The following FAM151A variants were observed in gnomAD, a reference collection of about 807,000 sequenced individuals.
The protein encoded by FAM151A is family with sequence similarity 151 member A.
Under a neutral mutation model 40.4 loss-of-function variants are expected in FAM151A, and 41 were observed. The observed-to-expected ratio is 1.01, with a 90% CI of 0.79 to 1.32. The LOEUF is 1.32. Ranked by LOEUF, FAM151A falls within the 40% of genes most tolerant of loss-of-function variation. The pLI, the probability that FAM151A is intolerant of heterozygous loss-of-function variation, is 0.00. For synonymous variants in FAM151A, 337 were observed against 312.5 expected (o/e 1.08, Z -0.83); for missense variants, 740 against 740.4 (o/e 1.00, Z 0.01).
intron 7 of FAM151A, 26 bp downstream of exon 7, chr1:54,610,386 C>A: frequency 1.2e-6 from 2 of 1,607,884 alleles, no homozygotes; most frequent in Non-Finnish European, 1.7e-6. Flanking sequence ...GAGCTGGGAG[C>A]ACCGGGGCTG....
chr1:54,623,170 TC>T (rs1407084383), intron 1 of FAM151A, 107 bp downstream of exon 1: 1 of 734,038 alleles, frequency 1.4e-6, no homozygotes, highest in South Asian at 1.7e-5. Context: ...AGAGCAAAAC[TC>T]CGTCTAAAAA....
Position 54,609,216 on chromosome 1 carries a change from C to T in FAM151A, c.*52G>A. On this transcript the variant is annotated 3_prime_UTR_variant, in exon 8 of 8. Coordinates refer to ENST00000302250, the MANE Select transcript of FAM151A (RefSeq NM_176782.3). ...CAAAGACCTTTATTTCTTCCTGCCTCCCCGTGGGAAGCCTCCGCCCTGAGG... is the reference window on the plus strand; with the variant it reads ...CAAAGACCTTTATTTCTTCCTGCCTTCCCGTGGGAAGCCTCCGCCCTGAGG... 1 of 1,590,496 alleles carries T rather than the reference C, an allele frequency of 6.3e-7. No individual in the cohort carries two copies. The highest frequency in any genetic ancestry group is 1.2e-5 in the South Asian group (1 of 86,938).
chr1:54,623,412 G>A lies in FAM151A; in HGVS notation c.-17C>T, dbSNP rs764594467. On this transcript the variant is annotated 5_prime_UTR_variant, in exon 1 of 8. Coordinates refer to ENST00000302250, the MANE Select transcript of FAM151A (RefSeq NM_176782.3). ...GCAGACCATGGCGACGCTCTCTGGG[G>A]AATGCCCCCAACTCCGTGCGGCCCA... 1.3e-6 allele frequency: 2 copies of A among 1,597,902 alleles called. No individual in the cohort carries two copies. Among genetic ancestry groups the A allele is most frequent in the Non-Finnish European group, 1.7e-6 (2 of 1,165,576 alleles).
Position 54,623,413 on chromosome 1 carries a change from A to G in FAM151A, c.-18T>C, listed in dbSNP as rs1209017065. 1 of 1,596,114 alleles carries G rather than the reference A, an allele frequency of 6.3e-7. No individual in the cohort carries two copies. The highest frequency in any genetic ancestry group is 1.1e-5 in the South Asian group (1 of 90,584). On this transcript the variant is annotated 5_prime_UTR_variant, in exon 1 of 8. Transcript: ENST00000302250. ...CAGACCATGGCGACGCTCTCTGGGG[A>G]ATGCCCCCAACTCCGTGCGGCCCAG... is the stretch of plus-strand genomic sequence containing the variant.
At chr1:54,611,498 GCCTTCCC>G (rs1644117775) in intron 6 of FAM151A, 101 bp downstream of exon 6, 1 of 1,162,248 alleles carries the variant, frequency 8.6e-7, no homozygotes, top group African/African-American at 1.5e-5. Flanking sequence ...TCCCACCCCG[GCCTTCCC>G]CCTTCTGATA....
chr1:54,609,250 C>CCCA lies in FAM151A; in HGVS notation c.*15_*17dup. The CCCA allele has an allele frequency of 6.3e-7, 1 of 1,594,978 alleles. No individual in the cohort carries two copies. The highest frequency in any genetic ancestry group is 1.3e-5 in the African/African-American group (1 of 74,660). On this transcript the variant is annotated 3_prime_UTR_variant, in exon 8 of 8. Coordinates refer to ENST00000302250, the MANE Select transcript of FAM151A (RefSeq NM_176782.3). The stretch of plus-strand genomic sequence containing the variant: ...AAGCCTCCGCCCTGAGGTCCGCTGG[C>CCCA]CCACCACCCCTGGGTGCTCAGTTTC...
chr1:54,618,200 G>A (rs535713491), intron 2 of FAM151A, among the ~76,000 whole-genome samples: 2 of 152,002 alleles, frequency 1.3e-5, no homozygotes, highest in Non-Finnish European at 2.9e-5. Flanking sequence ...CTTTAGTGTT[G>A]GCTTAAAAAA....
chr1:54,613,767 A>G (rs1321305870), intron 4 of FAM151A, among the ~76,000 whole-genome samples: 1 of 152,212 alleles, frequency 6.6e-6, no homozygotes, highest in Non-Finnish European at 1.5e-5. Context: ...ATCTTGGGCC[A>G]TTGATTACAT....
At chr1:54,614,583 G>A (rs1254850006) in intron 4 of FAM151A, 117 bp downstream of exon 4, 1 of 1,028,180 alleles carries the variant, frequency 9.7e-7, no homozygotes, top group Non-Finnish European at 1.4e-6. Context: ...GCTCAGAGGT[G>A]AGGCTATATA....
intron 1 of FAM151A, among the ~76,000 whole-genome samples, chr1:54,622,649 A>G (rs80201858): frequency 0.016 from 2,403 of 151,436 alleles, 32 homozygotes; most frequent in South Asian, 0.022. Flanking sequence ...TGAGGCAGGA[A>G]AACCACTTAG....
At chr1:54,612,826 A>T in intron 4 of FAM151A, 116 bp from the exon 5 acceptor site, 1 of 731,856 alleles carries the variant, frequency 1.4e-6, no homozygotes, top group South Asian at 1.8e-5. Context: ...TGATAAGGTC[A>T]GAAGCAGAGT....
chr1:54,622,755 ACGGG>A (rs1261620478), intron 1 of FAM151A, among the ~76,000 whole-genome samples: 2 of 147,660 alleles, frequency 1.4e-5, no homozygotes, highest in African/African-American at 5.0e-5. Flanking sequence ...AAAATAGTTA[ACGGG>A]ACTTTCTGCT....
intron 1 of FAM151A, among the ~76,000 whole-genome samples, chr1:54,620,268 G>A (rs1260926742): frequency 6.6e-6 from 1 of 152,232 alleles, no homozygotes; most frequent in Non-Finnish European, 1.5e-5. Flanking sequence ...GGAAGACCTT[G>A]AAGGATGGGT....
rs1644094387 is a variant in FAM151A, at chr1:54,609,839, T to A, written c.1187A>T (p.Glu396Val). The change falls in exon 8 of 8, where the codon GAG becomes GTG. Residue 396 changes from glutamate (E) to valine (V), a missense_variant. Coordinates refer to ENST00000302250, the MANE Select transcript of FAM151A (RefSeq NM_176782.3). The part of the protein sequence containing the change: ...HTPSGNILTL[E>V]SCLQQLATHP... Reference sequence around the variant, plus strand: ...TGTGGCCAGCTGCTGCAGGCAGGACTCCAGCGTCAGGATGTTGCCACTTGG... The same window carrying A: ...TGTGGCCAGCTGCTGCAGGCAGGACACCAGCGTCAGGATGTTGCCACTTGG... The A allele has an allele frequency of 6.2e-7, 1 of 1,614,132 alleles. No individual in the cohort carries two copies. The highest frequency in any genetic ancestry group is 1.1e-5 in the South Asian group (1 of 91,084).
chr1:54,619,570 A>G (rs1644208339), intron 2 of FAM151A, among the ~76,000 whole-genome samples: 1 of 152,152 alleles, frequency 6.6e-6, no homozygotes, highest in Non-Finnish European at 1.5e-5. Context: ...TTTGAAGGTA[A>G]AGGCTTCCTT....
Position 54,623,476 on chromosome 1 carries a change from G to T in FAM151A, c.-81C>A. 9.7e-7 allele frequency: 1 copy of T among 1,036,146 alleles called. No homozygotes were observed. Among genetic ancestry groups the T allele is most frequent in the Non-Finnish European group, 1.5e-6 (1 of 670,424 alleles). The allele number at this position is 1,036,146 out of a possible 1,614,324, so 64.2% of individuals were successfully genotyped here. A position where few individuals can be genotyped will look rare whatever the true frequency, so the allele number is the denominator to read the frequency against. On this transcript the variant is annotated 5_prime_UTR_variant, in exon 1 of 8. Coordinates refer to ENST00000302250, the MANE Select transcript of FAM151A (RefSeq NM_176782.3). ...TCCCTGCAGCTGGAATCCTGTGGGAGGCAGGAGCTCCCAGCAGCACCTAAT... is the reference window on the plus strand; with the variant it reads ...TCCCTGCAGCTGGAATCCTGTGGGATGCAGGAGCTCCCAGCAGCACCTAAT...
intron 6 of FAM151A, 76 bp from the exon 7 acceptor site, chr1:54,610,631 G>A (rs536314772): frequency 1.3e-6 from 2 of 1,560,016 alleles, no homozygotes; most frequent in African/African-American, 2.7e-5. Flanking sequence ...GGGTCCCATA[G>A]GCCACAGCTC....
chr1:54,619,730 C>T, intron 2 of FAM151A, 134 bp downstream of exon 2: 1 of 907,026 alleles, frequency 1.1e-6, no homozygotes, highest in South Asian at 1.6e-5. Context: ...CTCTGAGCCC[C>T]TATTTCCTCA....
rs1215524200 is a variant in FAM151A, at chr1:54,609,593, G to C, written c.1433C>G (p.Pro478Arg). The C allele has an allele frequency of 3.1e-6, 5 of 1,613,216 alleles. No homozygotes were observed. Among genetic ancestry groups the C allele is most frequent in the Non-Finnish European group, 4.2e-6 (5 of 1,180,040 alleles). Residue 478 changes from proline to arginine, a missense_variant, in exon 8 of 8, where the codon CCA (proline) becomes CGA (arginine). Physicochemically the swap from Pro to Arg is moderately radical, Grantham distance 103. Transcript: ENST00000302250. ...AEVFPHVTVA[P>R]GWPEEVLGSG... ...GCCCAGCACCTCCTCAGGCCAGCCT[G>C]GTGCCACAGTCACGTGGGGGAAGAC...
Sources: allele counts gnomAD v4.1 joint callset (sites outside exome capture counted in the v4.1 genomes callset), GRCh38; gene constraint gnomAD v4.1.1; transcripts MANE v1.5; gene names NCBI Gene and HGNC (gene_info 2026-07-23, HGNC 2026-07-21).